The following MARK3 variants were observed in gnomAD, a reference collection of about 807,000 sequenced individuals.
MARK3 encodes the protein microtubule affinity regulating kinase 3.
In MARK3, 46 loss-of-function variants were observed where a neutral mutation model predicts 90.1. The ratio of observed to expected loss-of-function variants is 0.51; its 90% CI spans 0.40 to 0.65. MARK3 has a LOEUF of 0.65. Ranked by LOEUF, MARK3 falls within the 30% of genes least tolerant of loss-of-function variation. MARK3 has a pLI of 0.00. For missense variants in MARK3, 818 were observed against 947.2 expected, an observed-to-expected ratio of 0.86 and a Z score of 1.79; for synonymous variants, 321 against 332.6, an observed-to-expected ratio of 0.97 and a Z score of 0.38.
intron 2 of MARK3, among the ~76,000 whole-genome samples, chr14:103,425,260 A>ATTTG: frequency 6.8e-6 from 1 of 146,176 alleles, no homozygotes; most frequent in African/African-American, 2.5e-5. Context: ...TTATTTATTT[A>ATTTG]TTTATTTATT....
intron 1 of MARK3, among the ~76,000 whole-genome samples, chr14:103,391,880 CCAAA>C (rs1404875688): frequency 6.6e-6 from 1 of 151,978 alleles, no homozygotes; most frequent in African/African-American, 2.4e-5. Flanking sequence ...TTAAAGGCAA[CCAAA>C]CAGTTTGCAT....
In MARK3 at chr14:103,451,968, G is replaced by T; in HGVS notation, c.397G>T (p.Glu133Ter). ...TGAAAAAACACTCTACCTAATCATG[G>T]AATATGCAAGTGGAGGTAAGAACAT... Reference protein sequence around the residue: ...ETEKTLYLIMEYASGGEVFDY... With the variant: ...ETEKTLYLIM The change falls in exon 5 of 18, where the codon GAA becomes TAA. Residue 133 changes from glutamate (E) to a stop codon, truncating the protein, a stop_gained. Coordinates refer to ENST00000429436, the MANE Select transcript of MARK3 (RefSeq NM_001128918.3). LOFTEE classifies it high-confidence loss of function. The T allele has an allele frequency of 1.2e-6, 2 of 1,609,822 alleles. No individual in the cohort carries two copies. The highest frequency in any genetic ancestry group is 1.1e-5 in the South Asian group (1 of 90,520).
intron 1 of MARK3, chr14:103,386,503 A>ATT: frequency 2.3e-6 from 1 of 425,852 alleles, no homozygotes; most frequent in East Asian, 6.7e-5. Context: ...ACCGGTGCTG[A>ATT]TTAAGAGTAA....
chr14:103,411,811 G>T (rs7143609), intron 2 of MARK3, among the ~76,000 whole-genome samples: 103,584 of 151,690 alleles, frequency 0.68, 35,877 homozygotes, highest in South Asian at 0.83. Context: ...TTAGTAGAGA[G>T]GGGATTTCAT....
intron 3 of MARK3, chr14:103,441,692 G>C (rs2092860570): frequency 6.6e-6 from 1 of 152,134 alleles, no homozygotes; most frequent in African/African-American, 2.4e-5. Flanking sequence ...CAGCAGTCAT[G>C]TGTTACGAGG....
At chr14:103,480,032 A>G (rs1257492239) in intron 13 of MARK3, among the ~76,000 whole-genome samples, 2 of 152,044 alleles carry the variant, frequency 1.3e-5, no homozygotes. Flanking sequence ...GAGGCAGGAG[A>G]ATCGCTTGAA....
intron 1 of MARK3, among the ~76,000 whole-genome samples, chr14:103,391,167 T>A (rs1402998000): frequency 6.6e-6 from 1 of 152,228 alleles, no homozygotes; most frequent in Non-Finnish European, 1.5e-5. Flanking sequence ...AAGGTTTGGC[T>A]GACCAGGAAT....
intron 2 of MARK3, among the ~76,000 whole-genome samples, chr14:103,414,882 C>T (rs1325843565): frequency 6.6e-6 from 1 of 152,024 alleles, no homozygotes; most frequent in Non-Finnish European, 1.5e-5. Context: ...CCTGTAATTC[C>T]AGCACTTTAG....
At chr14:103,457,393 G>A (rs1034947474) in intron 6 of MARK3, among the ~76,000 whole-genome samples, 181 bp downstream of exon 6, 2 of 152,192 alleles carry the variant, frequency 1.3e-5, no homozygotes, top group Admixed American at 6.5e-5. Flanking sequence ...GCTGGAGGCA[G>A]CCATGGTTCT....
intron 14 of MARK3, among the ~76,000 whole-genome samples, chr14:103,487,884 G>A (rs1260106542): frequency 4.0e-5 from 6 of 151,880 alleles, no homozygotes; most frequent in Admixed American, 1.3e-4. Context: ...CCGTCTCTAC[G>A]AAAAATACAA....
chr14:103,399,927 C>T (rs1159193241), intron 1 of MARK3, among the ~76,000 whole-genome samples: 1 of 48,814 alleles, frequency 2.0e-5, no homozygotes, highest in Admixed American at 3.3e-4. Context: ...TGTCCTTACC[C>T]CCCCACCCTC....
intron 17 of MARK3, among the ~76,000 whole-genome samples, chr14:103,502,088 C>T (rs2075698581): frequency 6.6e-6 from 1 of 152,124 alleles, no homozygotes; most frequent in African/African-American, 2.4e-5. Flanking sequence ...TGACTAAATG[C>T]CAAGGAGTGG....
intron 14 of MARK3, chr14:103,490,260 AG>A (rs1317371746): frequency 6.6e-6 from 1 of 152,262 alleles, no homozygotes; most frequent in African/African-American, 2.4e-5. Context: ...GGCTGCATTG[AG>A]CCATGATCGT....
chr14:103,412,544 G>A lies in MARK3; in HGVS notation c.243+7277G>A, dbSNP rs544908887. The A allele has an allele frequency of 1.1e-4, 65 of 591,098 alleles. No individual in the cohort carries two copies. In the Middle Eastern group the frequency reaches 4.0e-3, roughly 36 times the overall value. 36.6% of individuals were successfully genotyped at this position (591,098 alleles called of 1,614,324 possible). The stretch of plus-strand genomic sequence containing the variant: ...GGGGGATATCCGTGGCCTTGGTCTC[G>A]TCACAGTGCTGCTGTTCCCCCAGGA... On this transcript the variant is annotated intron_variant, in intron 2 of 17. Coordinates refer to ENST00000429436, the MANE Select transcript of MARK3 (RefSeq NM_001128918.3).
At chr14:103,426,759 A>T (rs2092416448) in intron 2 of MARK3, among the ~76,000 whole-genome samples, 1 of 152,046 alleles carries the variant, frequency 6.6e-6, no homozygotes, top group Non-Finnish European at 1.5e-5. Flanking sequence ...GCTGGGGCAT[A>T]CTCACCCTTT....
intron 2 of MARK3, among the ~76,000 whole-genome samples, chr14:103,424,417 C>G (rs1018887046): frequency 3.3e-5 from 5 of 151,338 alleles, no homozygotes; most frequent in Non-Finnish European, 7.4e-5. Context: ...TCCATCTACT[C>G]GGGAGGCTGA....
intron 4 of MARK3, among the ~76,000 whole-genome samples, chr14:103,450,877 TGTGTG>T (rs888310697): frequency 1.0e-3 from 13 of 13,026 alleles, no homozygotes; most frequent in African/African-American, 2.6e-3. Context: ...ATTTTTAAAG[TGTGTG>T]TGTGTGTGTG....
intron 3 of MARK3, among the ~76,000 whole-genome samples, chr14:103,448,338 A>AG (rs1277599527): frequency 1.3e-5 from 2 of 152,122 alleles, no homozygotes; most frequent in African/African-American, 4.8e-5. Context: ...GTCAATATGA[A>AG]GGGGGCACTC....
intron 2 of MARK3, among the ~76,000 whole-genome samples, chr14:103,416,399 C>G (rs184763380): frequency 1.4e-4 from 21 of 152,200 alleles, no homozygotes; most frequent in Admixed American, 9.8e-4. Context: ...TTGGTGCTGT[C>G]GAAGAGATTT....
Sources: gnomAD v4.1 joint callset for allele counts (sites outside exome capture counted in the v4.1 genomes callset) on GRCh38, gnomAD v4.1.1 for gene constraint, MANE v1.5 for transcripts, NCBI Gene and HGNC (gene_info 2026-07-23, HGNC 2026-07-21) for gene names.